BCKDHB: variants seen among roughly 807,000 people sequenced by gnomAD.
BCKDHB encodes branched chain keto acid dehydrogenase E1 subunit beta.
A neutral mutation model predicts 48.5 loss-of-function variants in BCKDHB; 41 were observed. The observed-to-expected ratio is 0.85, with a 90% CI of 0.66 to 1.10. The LOEUF (loss-of-function observed/expected upper bound fraction) is 1.10. Ranked by LOEUF, BCKDHB falls within the 50% of genes least tolerant of loss-of-function variation. The pLI is 0.00. For synonymous variants in BCKDHB, 201 were observed against 174.8 expected (o/e 1.15, Z -1.18); for missense variants, 496 against 494.2 (o/e 1.00, Z -0.03).
At chr6:80,177,092 T>C (rs1773193331) in intron 6 of BCKDHB, among the ~76,000 whole-genome samples, 1 of 151,484 alleles carries the variant, frequency 6.6e-6, no homozygotes, top group Admixed American at 6.6e-5. Flanking sequence ...CCAGGTGTCA[T>C]GGCATGCGCC....
At chr6:80,197,058 C>G (rs961685065) in intron 6 of BCKDHB, among the ~76,000 whole-genome samples, 5 of 152,034 alleles carry the variant, frequency 3.3e-5, no homozygotes, top group African/African-American at 1.2e-4. Context: ...CAGTTAGTCC[C>G]ACTTCTGTGA....
intron 8 of BCKDHB, among the ~76,000 whole-genome samples, chr6:80,214,466 C>T (rs1484429621): frequency 6.6e-6 from 1 of 152,086 alleles, no homozygotes; most frequent in Non-Finnish European, 1.5e-5. Flanking sequence ...TGAATAATTC[C>T]GTGACTGAAT....
At chr6:80,414,701 C>T in the BCKDHB span, among the ~76,000 whole-genome samples, 1 of 151,932 alleles carries the variant, frequency 6.6e-6, no homozygotes, top group African/African-American at 2.4e-5. Context: ...GATTTCCAGC[C>T]GTGTTCTTTT....
chr6:80,392,581 T>C, the BCKDHB span, among the ~76,000 whole-genome samples: 2 of 151,968 alleles, frequency 1.3e-5, no homozygotes, highest in South Asian at 4.1e-4. Flanking sequence ...TTTTTATTTT[T>C]CTATTATGTT....
intron 9 of BCKDHB, chr6:80,307,814 C>A (rs996609858): frequency 5.1e-6 from 5 of 985,058 alleles, no homozygotes; most frequent in Non-Finnish European, 6.0e-6. Context: ...GTAGATAATC[C>A]ATTCAAATGG....
chr6:80,440,405 G>C, the BCKDHB span, among the ~76,000 whole-genome samples: 2 of 152,122 alleles, frequency 1.3e-5, no homozygotes, highest in African/African-American at 4.8e-5. Flanking sequence ...AGAATCACAG[G>C]AAGAGAATGG....
At chr6:80,233,913 A>T (rs1776036837) in intron 8 of BCKDHB, among the ~76,000 whole-genome samples, 1 of 152,170 alleles carries the variant, frequency 6.6e-6, no homozygotes, top group Non-Finnish European at 1.5e-5. Flanking sequence ...CATAGAAGAC[A>T]GTTTTTCCAC....
intron 9 of BCKDHB, among the ~76,000 whole-genome samples, chr6:80,285,909 T>C (rs1425872288): frequency 6.6e-6 from 1 of 152,088 alleles, no homozygotes; most frequent in Non-Finnish European, 1.5e-5. Context: ...ATTTGTAAAG[T>C]GGATCTTCTG....
chr6:80,252,634 A>G (rs969800568), intron 8 of BCKDHB, among the ~76,000 whole-genome samples: 1 of 152,208 alleles, frequency 6.6e-6, no homozygotes, highest in Non-Finnish European at 1.5e-5. Context: ...TATGGCCACC[A>G]TCTAAGATGG....
At chr6:80,430,126 G>T in the BCKDHB span, among the ~76,000 whole-genome samples, 1 of 152,324 alleles carries the variant, frequency 6.6e-6, no homozygotes, top group African/African-American at 2.4e-5. Flanking sequence ...AGATAATCAT[G>T]TGGTTTTTGT....
the BCKDHB span, among the ~76,000 whole-genome samples, chr6:80,364,544 CGT>C: frequency 2.6e-5 from 4 of 152,170 alleles, no homozygotes; most frequent in Non-Finnish European, 5.9e-5. Flanking sequence ...ATAAGTAAAA[CGT>C]ATTCATTAGT....
chr6:80,347,885 A>G (rs183455590), downstream of BCKDHB, among the ~76,000 whole-genome samples: 508 of 152,346 alleles, frequency 3.3e-3, 1 homozygote, highest in Non-Finnish European at 5.4e-3. Flanking sequence ...TGAAAATAAG[A>G]AAATAGTGGC....
chr6:80,378,072 A>G, the BCKDHB span, among the ~76,000 whole-genome samples: 4 of 152,188 alleles, frequency 2.6e-5, no homozygotes, highest in African/African-American at 9.6e-5. Context: ...TTTCTTTTTG[A>G]TACTGTTGTA....
intron 8 of BCKDHB, among the ~76,000 whole-genome samples, chr6:80,246,040 C>T (rs1486157266): frequency 6.6e-6 from 1 of 152,152 alleles, no homozygotes; most frequent in Non-Finnish European, 1.5e-5. Context: ...GACTCCCCTG[C>T]ACTCCAATGT....
chr6:80,169,793 A>G, intron 5 of BCKDHB: 2 of 1,596,248 alleles, frequency 1.3e-6, no homozygotes, highest in South Asian at 2.2e-5. Flanking sequence ...TTTTTTTCTT[A>G]TTTGTTTTTT....
intron 6 of BCKDHB, among the ~76,000 whole-genome samples, chr6:80,181,738 A>G (rs1034428384): frequency 2.0e-5 from 3 of 152,188 alleles, no homozygotes; most frequent in Non-Finnish European, 2.9e-5. Context: ...CACTTCTGCC[A>G]TAGTATGTTG....
In BCKDHB at chr6:80,183,695, C is replaced by T. The variant is rs116348964; in HGVS notation, c.742+12305C>T. Among the ~76,000 whole-genome samples, 454 of 152,254 alleles carry T rather than the reference C, an allele frequency of 3.0e-3. 1 individual carries two copies. The highest frequency in any genetic ancestry group is 0.011 in the African/African-American group (439 of 41,556). ...TGACATGTATCTACCACTATAATAT[C>T]TTGCAGAGTATTTCCACTGTCCTAG... On this transcript the variant is annotated intron_variant, in intron 6 of 9. Transcript: ENST00000320393.
At chr6:80,390,065 T>C in the BCKDHB span, among the ~76,000 whole-genome samples, 4 of 152,298 alleles carry the variant, frequency 2.6e-5, no homozygotes, top group African/African-American at 9.6e-5. Flanking sequence ...GGGGTCCTCT[T>C]ACTTTTAAGT....
At chr6:80,178,414 T>TA (rs1487889231) in intron 6 of BCKDHB, among the ~76,000 whole-genome samples, 1 of 152,218 alleles carries the variant, frequency 6.6e-6, no homozygotes, top group Non-Finnish European at 1.5e-5. Context: ...AAGATGAAAA[T>TA]ATCCTTCGTT....
Sources: gnomAD v4.1 joint callset for allele counts (sites outside exome capture counted in the v4.1 genomes callset) on GRCh38, gnomAD v4.1.1 for gene constraint, MANE v1.5 for transcripts, NCBI Gene and HGNC (gene_info 2026-07-23, HGNC 2026-07-21) for gene names.